The following KRT75 variants were observed in gnomAD, a reference collection of about 807,000 sequenced individuals.
KRT75 encodes the protein keratin, type II cytoskeletal 75.
Under a neutral mutation model 48.8 loss-of-function variants are expected in KRT75, and 35 were observed. The ratio of observed to expected loss-of-function variants is 0.72; its 90% CI spans 0.55 to 0.95. KRT75 has a LOEUF of 0.95. KRT75 is among the 40% of genes least tolerant of loss of function. KRT75 has a pLI of 0.00. For synonymous variants in KRT75, 301 were observed against 282.3 expected (o/e 1.07, Z -0.66); for missense variants, 776 against 709.9 (o/e 1.09, Z -1.06).
chr12:52,433,461 T>C (rs1000481159), intron 1 of KRT75, among the ~76,000 whole-genome samples: 2 of 152,214 alleles, frequency 1.3e-5, no homozygotes, highest in African/African-American at 4.8e-5. Flanking sequence ...TGGTGGGGCC[T>C]AGAGGCTTCT....
intron 4 of KRT75, among the ~76,000 whole-genome samples, 196 bp downstream of exon 4, chr12:52,431,347 G>A (rs2121512918): frequency 6.6e-6 from 1 of 152,278 alleles, no homozygotes; most frequent in Middle Eastern, 3.4e-3. Context: ...CGGGGGAGAA[G>A]CATCAGAGCT....
chr12:52,433,705 C>T, intron 1 of KRT75, 102 bp downstream of exon 1: 2 of 1,567,708 alleles, frequency 1.3e-6, no homozygotes, highest in Non-Finnish European at 1.7e-6. Context: ...GTGCTCATTC[C>T]CACAGTGGGG....
Position 52,431,580 on chromosome 12 carries a change from G to A in KRT75, c.833C>T (p.Pro278Leu), listed in dbSNP as rs1225541539. Residue 278 changes from proline to leucine, a missense_variant, in exon 4 of 9, where the codon CCC becomes CTC. Physicochemically the swap from Pro to Leu is moderately conservative, Grantham distance 98. Transcript: ENST00000252245. ...TGAGTGGATGAAGTTGATCTCCTCG[G>A]GCAGAGATTTGACCTTGGCTTCCAG... Reference protein sequence around the residue: ...VELEAKVKSLPEEINFIHSVF... With the variant: ...VELEAKVKSLLEEINFIHSVF... 3 of 1,613,726 alleles carry A rather than the reference G, an allele frequency of 1.9e-6. No homozygotes were observed. Among genetic ancestry groups the A allele is most frequent in the South Asian group, 1.1e-5 (1 of 91,084 alleles).
At position 52,424,629 on chromosome 12, in the gene KRT75, C is replaced by G. The variant is rs753015824; in HGVS notation, c.1544G>C (p.Gly515Ala). 6.2e-7 allele frequency: 1 copy of G among 1,614,218 alleles called. No homozygotes were observed. The highest frequency in any genetic ancestry group is 8.5e-7 in the Non-Finnish European group (1 of 1,180,026). Reference sequence around the variant, plus strand: ...GGCACTGAATCCAGAACCTCCCAGGCCTGCACCCAGGCTATGCCCACCACT... The same window carrying G: ...GGCACTGAATCCAGAACCTCCCAGGGCTGCACCCAGGCTATGCCCACCACT... ...TTSGGHSLGA[G>A]LGGSGFSATS... Residue 515 changes from glycine (G) to alanine (A), a missense_variant, in exon 9 of 9, where the codon GGC becomes GCC. Coordinates refer to ENST00000252245, the MANE Select transcript of KRT75 (RefSeq NM_004693.3).
At chr12:52,427,476 C>G (rs1940088863) in intron 7 of KRT75, among the ~76,000 whole-genome samples, 1 of 152,180 alleles carries the variant, frequency 6.6e-6, no homozygotes, top group South Asian at 2.1e-4. Flanking sequence ...ATTATTTGCT[C>G]ACTTTTATAG....
chr12:52,425,356 C>T (rs933522978), intron 8 of KRT75, among the ~76,000 whole-genome samples: 59 of 152,182 alleles, frequency 3.9e-4, no homozygotes, highest in Admixed American at 3.4e-3. Flanking sequence ...AAATAGACTC[C>T]GTTATAGGAT....
At chr12:52,430,798 C>T in intron 4 of KRT75, 93 bp from the exon 5 acceptor site, 1 of 1,359,984 alleles carries the variant, frequency 7.4e-7, no homozygotes, top group Admixed American at 1.7e-5. Flanking sequence ...GAATCCTTTC[C>T]TTGGTATTCC....
intron 3 of KRT75, 48 bp from the exon 4 acceptor site, chr12:52,431,686 T>G: frequency 7.4e-7 from 1 of 1,348,160 alleles, no homozygotes; most frequent in South Asian, 1.2e-5. Flanking sequence ...GCCCCAAGTA[T>G]CTAGTCCAAA....
intron 7 of KRT75, among the ~76,000 whole-genome samples, chr12:52,428,005 C>T (rs533300749): frequency 2.0e-5 from 3 of 152,298 alleles, no homozygotes; most frequent in Admixed American, 2.0e-4. Context: ...CAAATGTCTC[C>T]TTTGGTAGAA....
chr12:52,430,409 G>A, intron 5 of KRT75, 132 bp downstream of exon 5: 1 of 954,268 alleles, frequency 1.0e-6, no homozygotes, highest in Non-Finnish European at 1.7e-6. Context: ...AGTTGTCATA[G>A]CATCAAAGAC....
chr12:52,431,559 T>A lies in KRT75; in HGVS notation c.854A>T (p.His285Leu). ...KSLPEEINFI[H>L]SVFDAELSQL... is the part of the protein sequence containing the mutation. ...GACTCTTACTGCATCAAAGACTGAG[T>A]GGATGAAGTTGATCTCCTCGGGCAG... Residue 285 changes from histidine to leucine, a missense_variant, in exon 4 of 9, where the codon CAC becomes CTC. Physicochemically the swap from His to Leu is moderately conservative, Grantham distance 99. Transcript: ENST00000252245. The A allele has an allele frequency of 6.2e-7, 1 of 1,611,592 alleles. No homozygotes were observed. Among genetic ancestry groups the A allele is most frequent in the Non-Finnish European group, 8.5e-7 (1 of 1,177,744 alleles).
Position 52,431,581 on chromosome 12 carries a change from G to A in KRT75, c.832C>T (p.Pro278Ser). ...VELEAKVKSL[P>S]EEINFIHSVF... is the part of the protein sequence containing the mutation. ...GAGTGGATGAAGTTGATCTCCTCGGGCAGAGATTTGACCTTGGCTTCCAGC... is the reference window on the plus strand; with the variant it reads ...GAGTGGATGAAGTTGATCTCCTCGGACAGAGATTTGACCTTGGCTTCCAGC... The change falls in exon 4 of 9, where the codon CCC becomes TCC. Residue 278 changes from proline (P) to serine (S), a missense_variant. Pro to Ser is a moderately conservative substitution (Grantham distance 74). Coordinates refer to ENST00000252245, the MANE Select transcript of KRT75 (RefSeq NM_004693.3). The A allele has an allele frequency of 1.9e-6, 3 of 1,613,830 alleles. No homozygotes were observed. Among genetic ancestry groups the A allele is most frequent in the Non-Finnish European group, 2.5e-6 (3 of 1,179,716 alleles).
intron 6 of KRT75, 61 bp downstream of exon 6, chr12:52,428,557 T>C (rs1940103951): frequency 2.5e-6 from 4 of 1,613,972 alleles, no homozygotes; most frequent in Admixed American, 1.7e-5. Flanking sequence ...TTCTTAAAGA[T>C]GGCAGAAAGG....
At chr12:52,429,702 G>A (rs1231268158) in intron 5 of KRT75, among the ~76,000 whole-genome samples, 3 of 152,176 alleles carry the variant, frequency 2.0e-5, no homozygotes, top group South Asian at 2.1e-4. Context: ...CCTCTGCCCT[G>A]TGGAACCCTG....
At position 52,433,801 on chromosome 12, in the gene KRT75, G is replaced by A. The variant is rs201519352; in HGVS notation, c.498+6C>T. ...ACCCAAGGGGGTGGATGAAGCCCCT[G>A]CTTACCTTGTCGATGAAGGAGGCGA... On this transcript the variant is annotated splice_donor_region_variant and intron_variant, in intron 1 of 8. Coordinates refer to ENST00000252245, the MANE Select transcript of KRT75 (RefSeq NM_004693.3). 6.2e-7 allele frequency: 1 copy of A among 1,614,132 alleles called. No individual in the cohort carries two copies. Among genetic ancestry groups the A allele is most frequent in the Admixed American group, 1.7e-5 (1 of 60,024 alleles).
intron 5 of KRT75, among the ~76,000 whole-genome samples, chr12:52,429,012 G>A (rs1565792023): frequency 6.6e-6 from 1 of 152,240 alleles, no homozygotes; most frequent in South Asian, 2.1e-4. Context: ...CCTAGATTTG[G>A]AAGTGGGAAG....
At chr12:52,431,972 A>C in intron 3 of KRT75, 34 bp downstream of exon 3, 2 of 1,609,740 alleles carry the variant, frequency 1.2e-6, no homozygotes, top group South Asian at 2.2e-5. Flanking sequence ...TTCCATTTTA[A>C]ACCTTCTCCT....
At chr12:52,433,628 C>G (rs1026513734) in intron 1 of KRT75, among the ~76,000 whole-genome samples, 179 bp downstream of exon 1, 1 of 152,164 alleles carries the variant, frequency 6.6e-6, no homozygotes, top group Non-Finnish European at 1.5e-5. Context: ...GAAATTTCTA[C>G]CAGGTCCTGT....
At chr12:52,431,295 C>T (rs1490519211) in intron 4 of KRT75, among the ~76,000 whole-genome samples, 2 of 151,958 alleles carry the variant, frequency 1.3e-5, no homozygotes, top group Non-Finnish European at 2.9e-5. Flanking sequence ...AATCAGTACT[C>T]TCTCCTTGTT....
Sources: allele counts gnomAD v4.1 joint callset (sites outside exome capture counted in the v4.1 genomes callset), GRCh38; gene constraint gnomAD v4.1.1; transcripts MANE v1.5; gene names NCBI Gene and HGNC (gene_info 2026-07-23, HGNC 2026-07-21).